Variants in GAB3 observed in about 807,000 individuals in gnomAD.
The protein encoded by GAB3 is GRB2-associated-binding protein 3.
Under a neutral mutation model 40.4 loss-of-function variants are expected in GAB3, and 12 were observed. The ratio of observed to expected loss-of-function variants is 0.30; its 90% confidence interval spans 0.19 to 0.48. The LOEUF (loss-of-function observed/expected upper bound fraction) is 0.48, where lower values mean the gene tolerates loss of function less well. Ranked by LOEUF, GAB3 falls within the 20% of genes least tolerant of loss-of-function variation. GAB3 has a pLI of 0.99. For synonymous variants in GAB3, 154 were observed against 176.7 expected (o/e 0.87, Z 1.02); for missense variants, 381 against 461.9 (o/e 0.82, Z 1.61).
At chrX:154,711,016 T>A (rs2070935579) in intron 4 of GAB3, among the ~76,000 whole-genome samples, 1 of 112,325 alleles carries the variant, frequency 8.9e-6, no homozygotes, top group South Asian at 3.6e-4. Context: ...TCAGTATACA[T>A]CTATTTCATA....
chrX:154,743,199 AAAAACAAAAC>A (rs1189244380), intron 1 of GAB3, among the ~76,000 whole-genome samples: 1 of 110,504 alleles, frequency 9.0e-6, no homozygotes, highest in Admixed American at 9.7e-5. Flanking sequence ...TGCTGAAAAG[AAAAACAAAAC>A]AAAACAAAAC....
At chrX:154,742,980 G>A (rs1557261505) in intron 1 of GAB3, among the ~76,000 whole-genome samples, 1 of 81,843 alleles carries the variant, frequency 1.2e-5, no homozygotes, top group Admixed American at 1.2e-4. Flanking sequence ...TCTATAGTGT[G>A]TGTACATATA....
intron 4 of GAB3, among the ~76,000 whole-genome samples, chrX:154,708,946 T>C (rs1283880454): frequency 3.6e-5 from 4 of 111,855 alleles, no homozygotes; most frequent in Non-Finnish European, 7.5e-5. Context: ...AGCCACAACA[T>C]GTGATATGGT....
chrX:154,710,305 G>GTCC (rs1557255428), intron 4 of GAB3, among the ~76,000 whole-genome samples: 1 of 111,620 alleles, frequency 9.0e-6, no homozygotes, highest in African/African-American at 3.3e-5. Flanking sequence ...TTATATATGT[G>GTCC]TGTCTAGAAC....
Position 154,737,586 on chromosome X carries a change from A to G in GAB3, c.72+13368T>C, listed in dbSNP as rs958375801. On this transcript the variant is annotated intron_variant, in intron 1 of 9. Transcript: ENST00000424127. ...ACAAATTTACCCACGGTTACTTCAA[A>G]CTCGGTATGTGCCAGCCTGAACGTA... Among the ~76,000 whole-genome samples the G allele has an allele frequency of 4.9e-4, 55 of 111,297 alleles. 1 individual carries two copies. In the Admixed American group the frequency reaches 5.3e-3, roughly 11 times the overall value.
Position 154,689,507 on chromosome X carries a change from C to T in GAB3, c.1530+6410G>A, listed in dbSNP as rs1208188357. 1.5e-4 allele frequency among the ~76,000 whole-genome samples: 17 copies of T among 110,138 alleles called. No individual in the cohort carries two copies. In the South Asian group the frequency reaches 6.3e-3, roughly 41 times the overall value. The stretch of plus-strand genomic sequence containing the variant: ...GTTTGCAGACGACATGATTGTATAT[C>T]TAGAAAACCCCATTGTCTCAGCCCA... On this transcript the variant is annotated intron_variant, in intron 8 of 9. Coordinates refer to ENST00000424127, the MANE Select transcript of GAB3 (RefSeq NM_001081573.3).
chrX:154,709,738 T>C (rs1440586352), intron 4 of GAB3, among the ~76,000 whole-genome samples: 1 of 111,488 alleles, frequency 9.0e-6, no homozygotes, highest in Non-Finnish European at 1.9e-5. Context: ...GTGGTATATA[T>C]TCAGAATGGA....
chrX:154,744,536 A>G (rs60506075), intron 1 of GAB3, among the ~76,000 whole-genome samples: 2,443 of 112,236 alleles, frequency 0.022, 75 homozygotes, highest in African/African-American at 0.075. Flanking sequence ...TGAAGTAAAA[A>G]CAAATAGAAC....
chrX:154,748,099 T>A (rs1433903599), intron 1 of GAB3, among the ~76,000 whole-genome samples: 6 of 111,717 alleles, frequency 5.4e-5, no homozygotes, highest in African/African-American at 2.0e-4. Context: ...TAGGACTCTT[T>A]AAAATGGATA....
rs1021014234 is a variant in GAB3, at chrX:154,680,440, C to T, written c.1531-192G>A. ...TCAAACAGAATATAGCCAATTTGGC[C>T]TTCGCAATGAAACCATACCATTATT... On this transcript the variant is annotated intron_variant, in intron 8 of 9. Transcript: ENST00000424127. Among the ~76,000 whole-genome samples the T allele has an allele frequency of 4.5e-5, 5 of 112,009 alleles. No homozygotes were observed. The East Asian group carries it at 1.4e-3, about 31-fold the overall frequency.
chrX:154,699,631 C>T, intron 5 of GAB3, 118 bp from the exon 6 acceptor site: 1 of 587,036 alleles, frequency 1.7e-6, no homozygotes, highest in Non-Finnish European at 2.6e-6. Flanking sequence ...TAACTCTGAA[C>T]TTCCTCAGCA....
intron 9 of GAB3, chrX:154,679,195 G>A (rs1412963822): frequency 2.9e-6 from 1 of 341,744 alleles, no homozygotes; most frequent in Admixed American, 3.1e-5. Context: ...GAAGTGACAT[G>A]TTCCAATCCT....
intron 4 of GAB3, among the ~76,000 whole-genome samples, chrX:154,706,840 A>C (rs2070817331): frequency 9.1e-6 from 1 of 109,631 alleles, no homozygotes; most frequent in Admixed American, 9.7e-5. Context: ...GGATTATTTA[A>C]GCCCAGAAGT....
rs1429280161 is a variant in GAB3, at chrX:154,676,262, C to T, written c.*1916G>A. On this transcript the variant is annotated 3_prime_UTR_variant, in exon 10 of 10. Coordinates refer to ENST00000424127, the MANE Select transcript of GAB3 (RefSeq NM_001081573.3). ...GTGTGGTTCTTGACACTTGGGCCTA[C>T]AATTTTTTTTCTGCACCAGCCTTTG... 1 of 111,943 alleles carries T rather than the reference C, an allele frequency of 8.9e-6. No homozygotes were observed. Among genetic ancestry groups the T allele is most frequent in the Non-Finnish European group, 1.9e-5 (1 of 53,177 alleles). 9.2% of individuals were successfully genotyped at this position (111,943 alleles called of 1,213,427 possible).
At chrX:154,712,829 C>A in intron 3 of GAB3, 128 bp from the exon 4 acceptor site, 2 of 423,163 alleles carry the variant, frequency 4.7e-6, no homozygotes, top group Non-Finnish European at 7.9e-6. Flanking sequence ...ATTCCCTCTA[C>A]AACACTCAGT....
intron 4 of GAB3, among the ~76,000 whole-genome samples, chrX:154,706,971 G>A (rs1288155279): frequency 4.6e-5 from 5 of 107,628 alleles, no homozygotes; most frequent in Admixed American, 9.9e-5. Flanking sequence ...ATCAAACTAC[G>A]TCAATTCAAA....
intron 8 of GAB3, among the ~76,000 whole-genome samples, chrX:154,690,289 C>G (rs1384014655): frequency 8.9e-6 from 1 of 111,904 alleles, no homozygotes. Context: ...AAGACTTAAG[C>G]GTTAGACCTA....
intron 1 of GAB3, among the ~76,000 whole-genome samples, chrX:154,743,128 G>A (rs2071470681): frequency 9.1e-6 from 1 of 109,889 alleles, no homozygotes; most frequent in African/African-American, 3.3e-5. Context: ...ATTGGATCAA[G>A]CTAAATGTAT....
intron 3 of GAB3, 29 bp from the exon 4 acceptor site, chrX:154,712,730 T>A: frequency 1.0e-6 from 1 of 979,446 alleles, no homozygotes; most frequent in Non-Finnish European, 1.4e-6. Context: ...TAAGTTGGAC[T>A]AAAATGCAGC....
Sources: allele counts gnomAD v4.1 joint callset (sites outside exome capture counted in the v4.1 genomes callset), GRCh38; gene constraint gnomAD v4.1.1; transcripts MANE v1.5; gene names NCBI Gene and HGNC (gene_info 2026-07-23, HGNC 2026-07-21).